The following DIS3L2 variants were observed in gnomAD, a reference collection of about 807,000 sequenced individuals.
DIS3L2 encodes DIS3-like exonuclease 2.
Under a neutral mutation model 97.5 loss-of-function variants are expected in DIS3L2, and 34 were observed. That is an observed-to-expected ratio of 0.35 (90% CI 0.27 to 0.46). The LOEUF (loss-of-function observed/expected upper bound fraction) is 0.46. Ranked by LOEUF, DIS3L2 falls within the 20% of genes least tolerant of loss-of-function variation. The pLI, the probability that DIS3L2 is intolerant of heterozygous loss-of-function variation, is 1.00. For missense variants in DIS3L2, 1,038 were observed against 1,146.0 expected (o/e 0.91, Z 1.36); for synonymous variants, 435 against 445.2 (o/e 0.98, Z 0.29).
chr2:232,297,987 A>G (rs114827494), intron 13 of DIS3L2, among the ~76,000 whole-genome samples: 2,104 of 152,276 alleles, frequency 0.014, 32 homozygotes, highest in African/African-American at 0.039. Flanking sequence ...ATGAGCCACC[A>G]CATCTGGCCT....
intron 5 of DIS3L2, among the ~76,000 whole-genome samples, chr2:232,086,673 GTGTGTA>G (rs1696658866): frequency 1.8e-5 from 2 of 112,474 alleles, no homozygotes; most frequent in East Asian, 4.5e-4. Flanking sequence ...GTGTGTGTGT[GTGTGTA>G]TATATATATT....
At chr2:232,103,604 A>T (rs1442290218) in intron 6 of DIS3L2, among the ~76,000 whole-genome samples, 1 of 152,156 alleles carries the variant, frequency 6.6e-6, no homozygotes, top group Non-Finnish European at 1.5e-5. Context: ...TTGCTAATTT[A>T]TTCATGATTT....
intron 13 of DIS3L2, among the ~76,000 whole-genome samples, chr2:232,295,673 C>T (rs1694707178): frequency 6.6e-6 from 1 of 152,224 alleles, no homozygotes; most frequent in African/African-American, 2.4e-5. Context: ...TTCCCTAGCA[C>T]TGTCTAATTT....
chr2:232,019,166 G>A (rs1334519920), intron 3 of DIS3L2, among the ~76,000 whole-genome samples: 1 of 152,160 alleles, frequency 6.6e-6, no homozygotes, highest in Non-Finnish European at 1.5e-5. Flanking sequence ...ATAGAATATT[G>A]GTGTGAAGTT....
chr2:232,210,230 C>T, intron 9 of DIS3L2, 96 bp from the exon 10 acceptor site: 1 of 926,782 alleles, frequency 1.1e-6, no homozygotes, highest in Non-Finnish European at 1.8e-6. Context: ...TAACAGAGCA[C>T]ATATGCAAAA....
chr2:232,191,584 C>T (rs1018689274), intron 9 of DIS3L2, among the ~76,000 whole-genome samples: 12 of 152,188 alleles, frequency 7.9e-5, no homozygotes, highest in African/African-American at 2.9e-4. Flanking sequence ...TTTGAGGACA[C>T]TCATTTGTGT....
intron 10 of DIS3L2, among the ~76,000 whole-genome samples, chr2:232,225,969 T>A (rs1016063403): frequency 6.6e-6 from 1 of 152,192 alleles, no homozygotes; most frequent in African/African-American, 2.4e-5. Context: ...TCAGAACAGG[T>A]ACATCTATAG....
intron 1 of DIS3L2, among the ~76,000 whole-genome samples, chr2:231,977,347 T>C (rs1693129177): frequency 6.6e-6 from 1 of 152,218 alleles, no homozygotes; most frequent in South Asian, 2.1e-4. Flanking sequence ...GCACTTGTGA[T>C]TGTATTGTTT....
At chr2:232,185,455 G>A (rs991998885) in intron 9 of DIS3L2, among the ~76,000 whole-genome samples, 4 of 152,162 alleles carry the variant, frequency 2.6e-5, no homozygotes, top group South Asian at 4.1e-4. Context: ...AAGCAGTACC[G>A]AGGAAAATTT....
intron 6 of DIS3L2, among the ~76,000 whole-genome samples, chr2:232,107,328 G>T (rs1054421170): frequency 1.3e-5 from 2 of 151,946 alleles, no homozygotes; most frequent in African/African-American, 4.8e-5. Flanking sequence ...CTGGTTTTTT[G>T]AAAAAAATTA....
At chr2:232,196,555 C>T (rs769797506) in intron 9 of DIS3L2, among the ~76,000 whole-genome samples, 3 of 152,170 alleles carry the variant, frequency 2.0e-5, no homozygotes, top group South Asian at 2.1e-4. Context: ...ATTTTGAGGC[C>T]TCCCAGTGAC....
At chr2:231,966,068 C>T (rs1467275238) in intron 1 of DIS3L2, among the ~76,000 whole-genome samples, 1 of 152,118 alleles carries the variant, frequency 6.6e-6, no homozygotes. Flanking sequence ...AAAAGTAAAA[C>T]TGGGCCTGGA....
chr2:232,310,494 G>A (rs374771933), intron 14 of DIS3L2, among the ~76,000 whole-genome samples: 144 of 152,360 alleles, frequency 9.5e-4, no homozygotes, highest in African/African-American at 3.4e-3. Flanking sequence ...CACACAGAGG[G>A]ATGGCCGTGG....
intron 9 of DIS3L2, among the ~76,000 whole-genome samples, chr2:232,201,006 C>G (rs940005421): frequency 3.0e-4 from 46 of 152,172 alleles, no homozygotes; most frequent in Non-Finnish European, 7.3e-5. Context: ...AACTTCTGAC[C>G]TCAGGTGATC....
At chr2:232,296,654 T>C (rs1694733187) in intron 13 of DIS3L2, among the ~76,000 whole-genome samples, 1 of 152,208 alleles carries the variant, frequency 6.6e-6, no homozygotes, top group Non-Finnish European at 1.5e-5. Flanking sequence ...ACGTAAGACT[T>C]GCCTTTGCTT....
At chr2:232,099,248 C>T (rs1052688586) in intron 6 of DIS3L2, among the ~76,000 whole-genome samples, 5 of 151,258 alleles carry the variant, frequency 3.3e-5, no homozygotes, top group African/African-American at 9.7e-5. Context: ...CAGAGTCTAG[C>T]TGTGTTGCCC....
At chr2:232,295,281 C>G (rs1335018692) in intron 13 of DIS3L2, among the ~76,000 whole-genome samples, 1 of 152,142 alleles carries the variant, frequency 6.6e-6, no homozygotes, top group Non-Finnish European at 1.5e-5. Flanking sequence ...CAAACTCCTT[C>G]CCCCATCACA....
intron 6 of DIS3L2, among the ~76,000 whole-genome samples, chr2:232,114,823 G>A (rs1477877143): frequency 6.6e-6 from 1 of 152,112 alleles, no homozygotes; most frequent in Non-Finnish European, 1.5e-5. Context: ...GTTTTCTCTT[G>A]GTTATAACTG....
At chr2:232,230,689 G>T (rs151281787) in intron 10 of DIS3L2, among the ~76,000 whole-genome samples, 59 of 152,324 alleles carry the variant, frequency 3.9e-4, no homozygotes, top group African/African-American at 1.4e-3. Flanking sequence ...GGTCTGCAGA[G>T]TGGGTGAGGT....
Sources: allele counts gnomAD v4.1 joint callset (sites outside exome capture counted in the v4.1 genomes callset), GRCh38; gene constraint gnomAD v4.1.1; transcripts MANE v1.5; gene names NCBI Gene and HGNC (gene_info 2026-07-23, HGNC 2026-07-21).